The following CA10 variants were observed in gnomAD, a reference collection of about 807,000 sequenced individuals.
CA10 encodes carbonic anhydrase-related protein 10.
Under a neutral mutation model 44.2 loss-of-function variants are expected in CA10, and 14 were observed. That is an observed-to-expected ratio of 0.32 (90% CI 0.21 to 0.50). CA10 has a LOEUF of 0.50. CA10 is among the 20% of genes least tolerant of loss of function. CA10 has a pLI of 0.99. For synonymous variants in CA10, 159 were observed against 141.6 expected, an observed-to-expected ratio of 1.12 and a Z score of -0.87; for missense variants, 350 against 409.7, an observed-to-expected ratio of 0.85 and a Z score of 1.26.
At chr17:51,731,448 T>C (rs1410886420) in intron 4 of CA10, among the ~76,000 whole-genome samples, 1 of 152,140 alleles carries the variant, frequency 6.6e-6, no homozygotes, top group Non-Finnish European at 1.5e-5. Flanking sequence ...CTTTTTGCTC[T>C]GAGTTCTAGA....
intron 3 of CA10, among the ~76,000 whole-genome samples, chr17:51,804,071 A>G (rs1211547417): frequency 6.6e-6 from 1 of 152,228 alleles, no homozygotes; most frequent in Non-Finnish European, 1.5e-5. Flanking sequence ...GTCACTGTGC[A>G]TAATAAATTA....
chr17:51,975,405 G>T (rs55850522), intron 2 of CA10, among the ~76,000 whole-genome samples: 1 of 152,168 alleles, frequency 6.6e-6, no homozygotes, highest in African/African-American at 2.4e-5. Flanking sequence ...CTGGCTGGGC[G>T]AAGTGACTCA....
chr17:51,965,334 T>C (rs960314370), intron 2 of CA10, among the ~76,000 whole-genome samples: 2 of 151,924 alleles, frequency 1.3e-5, no homozygotes, highest in Non-Finnish European at 2.9e-5. Context: ...ACTGAAACTA[T>C]TTCAAGAAAT....
intron 2 of CA10, among the ~76,000 whole-genome samples, chr17:51,952,453 G>A (rs1393171503): frequency 6.6e-6 from 1 of 152,074 alleles, no homozygotes; most frequent in Non-Finnish European, 1.5e-5. Flanking sequence ...AGGCTGAGGT[G>A]GGAAGATCAC....
intron 3 of CA10, among the ~76,000 whole-genome samples, chr17:51,805,120 C>T (rs1907078090): frequency 6.6e-6 from 1 of 152,188 alleles, no homozygotes; most frequent in African/African-American, 2.4e-5. Context: ...GCATGATTTT[C>T]ACAGAAACAT....
chr17:51,868,036 G>T (rs1407809218), intron 3 of CA10, among the ~76,000 whole-genome samples: 1 of 150,282 alleles, frequency 6.7e-6, no homozygotes, highest in Non-Finnish European at 1.5e-5. Flanking sequence ...TTCTATCACA[G>T]AGTTCAAATA....
intron 2 of CA10, among the ~76,000 whole-genome samples, chr17:51,994,780 G>C (rs1422471330): frequency 6.6e-6 from 1 of 151,908 alleles, no homozygotes; most frequent in Non-Finnish European, 1.5e-5. Context: ...AGTTACTCAA[G>C]TATGGACTTC....
At chr17:51,886,635 C>G (rs1980613435) in intron 3 of CA10, among the ~76,000 whole-genome samples, 1 of 152,130 alleles carries the variant, frequency 6.6e-6, no homozygotes, top group South Asian at 2.1e-4. Flanking sequence ...AACGGATGCC[C>G]AGATAACAGG....
chr17:51,723,129 A>G (rs1412221643), intron 4 of CA10, among the ~76,000 whole-genome samples: 3 of 152,170 alleles, frequency 2.0e-5, no homozygotes, highest in African/African-American at 4.8e-5. Context: ...CCTGCTTCCC[A>G]TGTGTGGGAC....
At chr17:52,119,231 C>T (rs1428288488) in intron 1 of CA10, among the ~76,000 whole-genome samples, 1 of 150,834 alleles carries the variant, frequency 6.6e-6, no homozygotes, top group African/African-American at 2.4e-5. Flanking sequence ...GTATTCATGA[C>T]TTATGGCAGT....
intron 4 of CA10, among the ~76,000 whole-genome samples, chr17:51,669,098 G>A (rs1024234668): frequency 8.5e-5 from 13 of 152,202 alleles, no homozygotes; most frequent in Admixed American, 6.5e-5. Flanking sequence ...TGTGGTGCCC[G>A]GTCCCATCAA....
chr17:51,798,446 T>G (rs567016895), intron 3 of CA10, among the ~76,000 whole-genome samples: 4 of 152,348 alleles, frequency 2.6e-5, no homozygotes, highest in African/African-American at 9.6e-5. Context: ...TGGTTTACAA[T>G]ATCCCTAATA....
At chr17:51,713,016 G>T (rs1232918371) in intron 4 of CA10, among the ~76,000 whole-genome samples, 2 of 152,178 alleles carry the variant, frequency 1.3e-5, no homozygotes, top group Non-Finnish European at 2.9e-5. Flanking sequence ...TGCCCCTGCT[G>T]GGAAGCTATC....
intron 2 of CA10, among the ~76,000 whole-genome samples, chr17:52,055,635 A>G (rs530825755): frequency 2.6e-5 from 4 of 152,142 alleles, no homozygotes; most frequent in Non-Finnish European, 5.9e-5. Context: ...ATTGTGTGAT[A>G]TATTATAAAA....
chr17:52,008,945 G>T (rs947472032), intron 2 of CA10, among the ~76,000 whole-genome samples: 16 of 151,952 alleles, frequency 1.1e-4, no homozygotes, highest in African/African-American at 3.9e-4. Context: ...AGGATAGGAA[G>T]TGCTTCTTAT....
intron 2 of CA10, among the ~76,000 whole-genome samples, chr17:52,042,590 G>T (rs895998195): frequency 4.6e-5 from 7 of 151,668 alleles, no homozygotes; most frequent in African/African-American, 1.7e-4. Flanking sequence ...TTGTTCAGAA[G>T]ATTTTAGTTT....
chr17:51,755,786 A>C (rs564329481), intron 3 of CA10, among the ~76,000 whole-genome samples: 1 of 152,304 alleles, frequency 6.6e-6, no homozygotes, highest in Admixed American at 6.5e-5. Flanking sequence ...TAAGAATTCT[A>C]CTCAAAGATA....
At chr17:51,767,722 C>G (rs376589507) in intron 3 of CA10, among the ~76,000 whole-genome samples, 2 of 150,942 alleles carry the variant, frequency 1.3e-5, no homozygotes, top group Non-Finnish European at 2.9e-5. Flanking sequence ...GTGGGAGCCC[C>G]GAGCTTTTTT....
chr17:51,735,447 G>C (rs1271116726), intron 4 of CA10, among the ~76,000 whole-genome samples: 2 of 152,006 alleles, frequency 1.3e-5, no homozygotes, highest in Non-Finnish European at 2.9e-5. Context: ...TCAGTACCTG[G>C]GTGATGGGAT....
Sources: allele counts gnomAD v4.1 joint callset (sites outside exome capture counted in the v4.1 genomes callset), GRCh38; gene constraint gnomAD v4.1.1; transcripts MANE v1.5; gene names NCBI Gene and HGNC (gene_info 2026-07-23, HGNC 2026-07-21).